The following PIWIL1 variants were observed in gnomAD, a reference collection of about 807,000 sequenced individuals.
PIWIL1 encodes piwi like RNA-mediated gene silencing 1, also known as piwi-like protein 1.
In PIWIL1, 73 loss-of-function variants were observed where a neutral mutation model predicts 114.4. The observed-to-expected ratio is 0.64, with a 90% CI of 0.53 to 0.78. PIWIL1 has a LOEUF of 0.78. Among genes scored for constraint, PIWIL1 ranks in the 30% least tolerant of loss-of-function variants. The pLI, the probability that PIWIL1 is intolerant of heterozygous loss-of-function variation, is 0.00. For synonymous variants in PIWIL1, 375 were observed against 369.0 expected (o/e 1.02, Z -0.19); for missense variants, 723 against 1,063.1 (o/e 0.68, Z 4.45).
the PIWIL1 span, among the ~76,000 whole-genome samples, chr12:130,422,270 C>T: frequency 3.3e-5 from 5 of 152,234 alleles, no homozygotes; most frequent in African/African-American, 1.2e-4. This position sits in a 1 kb window ranked among gnomAD's most constrained non-coding sequence, Gnocchi z 5.2. Context: ...TTTGATATTT[C>T]AAGAATACTT....
At chr12:130,378,609 T>C in the PIWIL1 span, among the ~76,000 whole-genome samples, 1 of 152,220 alleles carries the variant, frequency 6.6e-6, no homozygotes, top group Non-Finnish European at 1.5e-5. Flanking sequence ...ATTTCATTGC[T>C]CCACATCCTC....
the PIWIL1 span, among the ~76,000 whole-genome samples, chr12:130,418,565 C>T: frequency 1.3e-5 from 2 of 152,112 alleles, no homozygotes; most frequent in African/African-American, 4.8e-5. Context: ...CGGAAAAATG[C>T]CAGTGGAGGA....
At chr12:130,352,308 T>C (rs1484922968) in intron 9 of PIWIL1, among the ~76,000 whole-genome samples, 1 of 152,166 alleles carries the variant, frequency 6.6e-6, no homozygotes, top group Non-Finnish European at 1.5e-5. Context: ...AGTTGGTTTT[T>C]AAAATAAAAG....
At chr12:130,397,781 G>GT in the PIWIL1 span, 2 of 341,164 alleles carry the variant, frequency 5.9e-6, no homozygotes, top group Non-Finnish European at 1.1e-5. Flanking sequence ...GGAGTGCGGG[G>GT]TGGCCGTTGC....
At chr12:130,405,677 G>T in the PIWIL1 span, among the ~76,000 whole-genome samples, 5 of 152,112 alleles carry the variant, frequency 3.3e-5, no homozygotes, top group South Asian at 8.3e-4. Context: ...AGCAAGGGGT[G>T]GGGGCGGGGT....
chr12:130,338,937 G>T (rs2072810420), intron 1 of PIWIL1, among the ~76,000 whole-genome samples: 4 of 151,906 alleles, frequency 2.6e-5, no homozygotes, highest in Admixed American at 6.5e-5. Flanking sequence ...GAGTTGCCGG[G>T]GGTGCGGGGG....
At chr12:130,357,587 G>T (rs756145074) in intron 14 of PIWIL1, 34 bp downstream of exon 14, 1 of 1,430,382 alleles carries the variant, frequency 7.0e-7, no homozygotes, top group Non-Finnish European at 9.8e-7. Flanking sequence ...GCAGTTTTCG[G>T]TGAAAGAGCT....
chr12:130,365,952 T>C (rs1177886906), intron 18 of PIWIL1, among the ~76,000 whole-genome samples: 1 of 152,234 alleles, frequency 6.6e-6, no homozygotes, highest in East Asian at 1.9e-4. Context: ...CGTAGGCAGA[T>C]AGGGACATTT....
At chr12:130,384,894 T>G in the PIWIL1 span, among the ~76,000 whole-genome samples, 1 of 151,900 alleles carries the variant, frequency 6.6e-6, no homozygotes, top group South Asian at 2.1e-4. Context: ...TTGAAGTTAT[T>G]TACTCTTTGT....
At chr12:130,350,555 A>G (rs1225795566) in intron 9 of PIWIL1, among the ~76,000 whole-genome samples, 1 of 152,330 alleles carries the variant, frequency 6.6e-6, no homozygotes, top group Middle Eastern at 3.4e-3. Flanking sequence ...AAGAGCAGCT[A>G]TTGACTAGAA....
chr12:130,373,948 T>G (rs1369628649), downstream of PIWIL1, among the ~76,000 whole-genome samples: 2 of 152,152 alleles, frequency 1.3e-5, no homozygotes, highest in African/African-American at 4.8e-5. Context: ...GAGTGGGATG[T>G]CCAAAAGCTT....
the PIWIL1 span, chr12:130,424,143 A>G: frequency 8.1e-7 from 1 of 1,228,998 alleles, no homozygotes; most frequent in East Asian, 3.2e-5. The surrounding 1 kb of genome is among the most constrained non-coding windows in gnomAD (Gnocchi z 9.8). Flanking sequence ...GTCACACACC[A>G]GGGGGCCTTG....
At chr12:130,379,098 T>C in the PIWIL1 span, among the ~76,000 whole-genome samples, 1 of 152,128 alleles carries the variant, frequency 6.6e-6, no homozygotes, top group Non-Finnish European at 1.5e-5. Flanking sequence ...CAGTGTTTAC[T>C]AAATAATATT....
At chr12:130,354,485 A>T in intron 9 of PIWIL1, 52 bp from the exon 10 acceptor site, 2 of 1,610,224 alleles carry the variant, frequency 1.2e-6, no homozygotes, top group Non-Finnish European at 1.7e-6. Context: ...GCCCACTGAG[A>T]TGCTACTCGA....
chr12:130,339,195 C>A (rs1313139656), intron 1 of PIWIL1, among the ~76,000 whole-genome samples: 1 of 151,974 alleles, frequency 6.6e-6, no homozygotes, highest in Non-Finnish European at 1.5e-5. Context: ...CCGGGCTCTG[C>A]GAGGCCCGGG....
At chr12:130,424,639 C>T in the PIWIL1 span, 19 of 1,231,926 alleles carry the variant, frequency 1.5e-5, no homozygotes, top group East Asian at 1.9e-4. The surrounding 1 kb of genome is among the most constrained non-coding windows in gnomAD (Gnocchi z 9.8). Flanking sequence ...CCCCGAGGGG[C>T]CTCGTCGCCC....
rs1370170995 is a variant in PIWIL1, at chr12:130,349,849, T to A, written c.933-7T>A. On this transcript the variant is annotated splice_region_variant and splice_polypyrimidine_tract_variant and intron_variant, in intron 8 of 20. Coordinates refer to ENST00000245255, the MANE Select transcript of PIWIL1 (RefSeq NM_004764.5). ...TCAAATGCAGTCAAATCTCAACTGA[T>A]CCCTAGGTATAACAATAAGACATAC... is the stretch of plus-strand genomic sequence containing the variant. 2 of 1,486,288 alleles carry A rather than the reference T, an allele frequency of 1.3e-6. No individual in the cohort carries two copies. Among genetic ancestry groups the A allele is most frequent in the Non-Finnish European group, 1.9e-6 (2 of 1,072,486 alleles). The allele number at this position is 1,486,288 out of a possible 1,614,324, so 92.1% of individuals were successfully genotyped here.
At chr12:130,344,182 AT>A (rs1056748876) in intron 3 of PIWIL1, among the ~76,000 whole-genome samples, 8 of 152,112 alleles carry the variant, frequency 5.3e-5, no homozygotes, top group Non-Finnish European at 1.0e-4. Flanking sequence ...CCAGAACTGA[AT>A]TTTTTTAAGA....
At chr12:130,424,526 C>G in the PIWIL1 span, 1 of 1,232,018 alleles carries the variant, frequency 8.1e-7, no homozygotes, top group Admixed American at 4.2e-5. This position sits in a 1 kb window ranked among gnomAD's most constrained non-coding sequence, Gnocchi z 9.8. Context: ...TGTCCGGGCT[C>G]CGGGTGGCCG....
Sources: gnomAD v4.1 joint callset for allele counts (sites outside exome capture counted in the v4.1 genomes callset) on GRCh38, gnomAD v4.1.1 for gene constraint, Gnocchi (gnomAD v3.1) non-coding constraint, MANE v1.5 for transcripts, NCBI Gene and HGNC (gene_info 2026-07-23, HGNC 2026-07-21) for gene names.